Variants in CNTNAP5 observed in about 807,000 individuals in gnomAD.
CNTNAP5 encodes contactin-associated protein-like 5.
In CNTNAP5, 72 loss-of-function variants were observed where a neutral mutation model predicts 150.2. That is an observed-to-expected ratio of 0.48 (90% CI 0.40 to 0.58). CNTNAP5 has a LOEUF of 0.58. Among genes scored for constraint, CNTNAP5 ranks in the 20% least tolerant of loss-of-function variants. The pLI, the probability that CNTNAP5 is intolerant of heterozygous loss-of-function variation, is 0.00. For synonymous variants in CNTNAP5, 672 were observed against 619.8 expected, an observed-to-expected ratio of 1.08 and a Z score of -1.25; for missense variants, 1,636 against 1,626.2, an observed-to-expected ratio of 1.01 and a Z score of -0.10.
chr2:124,714,254 A>G (rs1467028248), intron 13 of CNTNAP5, among the ~76,000 whole-genome samples: 1 of 152,148 alleles, frequency 6.6e-6, no homozygotes, highest in East Asian at 1.9e-4. Flanking sequence ...GAATCTTGGT[A>G]TAAACACTGA....
chr2:124,831,268 C>T (rs965089724), intron 19 of CNTNAP5, among the ~76,000 whole-genome samples: 7 of 151,674 alleles, frequency 4.6e-5, no homozygotes, highest in South Asian at 2.1e-4. Flanking sequence ...TTTAAATAAC[C>T]GCTCATTTTA....
chr2:124,588,092 T>C (rs1455722228), intron 11 of CNTNAP5, among the ~76,000 whole-genome samples: 1 of 112,734 alleles, frequency 8.9e-6, no homozygotes, highest in Non-Finnish European at 1.8e-5. Flanking sequence ...CTTTCTTTCT[T>C]TCTTTTCTTC....
At chr2:124,653,475 A>G (rs1284509672) in intron 13 of CNTNAP5, among the ~76,000 whole-genome samples, 1 of 151,744 alleles carries the variant, frequency 6.6e-6, no homozygotes, top group East Asian at 1.9e-4. Context: ...ACTATATAGT[A>G]TATGCTATGT....
At chr2:124,342,958 A>G (rs1374287064) in intron 3 of CNTNAP5, among the ~76,000 whole-genome samples, 1 of 152,196 alleles carries the variant, frequency 6.6e-6, no homozygotes, top group Non-Finnish European at 1.5e-5. Context: ...GGAAATTATC[A>G]AAGTTTTCAG....
At chr2:124,682,624 G>T (rs1249299199) in intron 13 of CNTNAP5, among the ~76,000 whole-genome samples, 2 of 152,100 alleles carry the variant, frequency 1.3e-5, no homozygotes, top group Non-Finnish European at 2.9e-5. Flanking sequence ...AGTTTCTCTC[G>T]GGTAGACAAT....
intron 3 of CNTNAP5, among the ~76,000 whole-genome samples, chr2:124,412,307 A>G (rs1691790946): frequency 6.7e-6 from 1 of 150,098 alleles, no homozygotes; most frequent in South Asian, 2.1e-4. Flanking sequence ...ATACTGCCCA[A>G]GGTAATTTAC....
intron 19 of CNTNAP5, 98 bp from the exon 20 acceptor site, chr2:124,865,208 C>CCTGGG (rs1286435273): frequency 2.1e-6 from 2 of 940,436 alleles, no homozygotes; most frequent in Non-Finnish European, 3.1e-6. Context: ...AGGATTAAGA[C>CCTGGG]CTGGGGCCCT....
At chr2:124,042,216 T>C (rs1187094797) in intron 1 of CNTNAP5, among the ~76,000 whole-genome samples, 7 of 152,142 alleles carry the variant, frequency 4.6e-5, no homozygotes, top group Admixed American at 2.0e-4. Flanking sequence ...TAGAGAGATA[T>C]ATAAAATAGA....
intron 3 of CNTNAP5, among the ~76,000 whole-genome samples, chr2:124,271,429 G>A (rs1372688735): frequency 6.6e-6 from 1 of 152,004 alleles, no homozygotes; most frequent in Non-Finnish European, 1.5e-5. Context: ...ATGGGGGTTG[G>A]CTAGAAGGCA....
chr2:124,694,701 A>T (rs1306655852), intron 13 of CNTNAP5, among the ~76,000 whole-genome samples: 1 of 152,206 alleles, frequency 6.6e-6, no homozygotes, highest in African/African-American at 2.4e-5. Flanking sequence ...TACAAATAAT[A>T]GTAAAAATGC....
chr2:124,538,691 A>G (rs1368923454), intron 10 of CNTNAP5, among the ~76,000 whole-genome samples: 2 of 151,640 alleles, frequency 1.3e-5, no homozygotes, highest in Non-Finnish European at 2.9e-5. Context: ...AGAAAGGAAG[A>G]AAGAAAGAAA....
At chr2:124,260,050 G>A (rs779282505) in intron 3 of CNTNAP5, among the ~76,000 whole-genome samples, 32 of 152,154 alleles carry the variant, frequency 2.1e-4, no homozygotes, top group South Asian at 4.1e-4. Context: ...AAAAGAGCCC[G>A]CATTGCCAAG....
Position 124,025,330 on chromosome 2 carries a change from C to G in CNTNAP5, c.-321C>G. ...CGACGAGGTGGATTTGGCTGTCCAC[C>G]GAGCTCCGGCGCCTGTCGTTCTAAT... On this transcript the variant is annotated 5_prime_UTR_variant, in exon 1 of 24. Coordinates refer to ENST00000682447, the MANE Select transcript of CNTNAP5 (RefSeq NM_001367498.1). The G allele has an allele frequency of 6.2e-6, 2 of 320,994 alleles. No homozygotes were observed. Among genetic ancestry groups the G allele is most frequent in the East Asian group, 6.4e-5 (1 of 15,654 alleles). The allele number at this position is 320,994 out of a possible 1,614,324, so 19.9% of individuals were successfully genotyped here.
chr2:124,157,197 A>C (rs1363315872), intron 1 of CNTNAP5, among the ~76,000 whole-genome samples: 1 of 152,148 alleles, frequency 6.6e-6, no homozygotes, highest in African/African-American at 2.4e-5. Flanking sequence ...GTCTGGTCAC[A>C]TGTCTGTCTC....
chr2:124,088,518 G>A (rs1447510411), intron 1 of CNTNAP5, among the ~76,000 whole-genome samples: 1 of 149,784 alleles, frequency 6.7e-6, no homozygotes, highest in Non-Finnish European at 1.5e-5. Flanking sequence ...TTCAAACTTG[G>A]ATATTTTCAT....
rs1426927249 is a variant in CNTNAP5 at position 124,358,310 on chromosome 2, A to G, written c.382-59133A>G. On this transcript the variant is annotated intron_variant, in intron 3 of 23. Coordinates refer to ENST00000682447, the MANE Select transcript of CNTNAP5 (RefSeq NM_001367498.1). ...TACCCTTTATTTCCTTCTCCTGCCT[A>G]ATTGCCCTGGCCAGAACTTCCAACA... Among the ~76,000 whole-genome samples, 19 of 152,042 alleles carry G rather than the reference A, an allele frequency of 1.2e-4. No homozygotes were observed. The South Asian group carries it at 2.7e-3, about 22-fold the overall frequency.
At chr2:124,731,830 GTA>G (rs960544649) in intron 13 of CNTNAP5, among the ~76,000 whole-genome samples, 14 of 151,420 alleles carry the variant, frequency 9.2e-5, no homozygotes, top group African/African-American at 3.4e-4. Context: ...GTATGAGGGT[GTA>G]TATGAGTGTA....
At chr2:124,504,929 A>G (rs1694368858) in intron 8 of CNTNAP5, among the ~76,000 whole-genome samples, 1 of 152,104 alleles carries the variant, frequency 6.6e-6, no homozygotes, top group East Asian at 1.9e-4. Context: ...GATGGTCTGC[A>G]TCTCTTGACC....
At chr2:124,518,010 A>T (rs1461445209) in intron 8 of CNTNAP5, among the ~76,000 whole-genome samples, 1 of 151,666 alleles carries the variant, frequency 6.6e-6, no homozygotes, top group African/African-American at 2.4e-5. Context: ...TGTTATTACC[A>T]TCTAGTGAGC....
Sources: allele counts gnomAD v4.1 joint callset (sites outside exome capture counted in the v4.1 genomes callset), GRCh38; gene constraint gnomAD v4.1.1; transcripts MANE v1.5; gene names NCBI Gene and HGNC (gene_info 2026-07-23, HGNC 2026-07-21).